Variants in FBN1 observed in about 807,000 individuals in gnomAD.
The protein encoded by FBN1 is fibrillin-1.
In FBN1, 29 loss-of-function variants were observed where a neutral mutation model predicts 365.1. That is an observed-to-expected ratio of 0.08 (90% CI 0.06 to 0.11). FBN1 has a LOEUF of 0.11. Among genes scored for constraint, FBN1 ranks in the 10% least tolerant of loss-of-function variants. The pLI is 1.00. For synonymous variants in FBN1, 1,210 were observed against 1,270.5 expected, an observed-to-expected ratio of 0.95 and a Z score of 1.01; for missense variants, 2,476 against 3,703.2, an observed-to-expected ratio of 0.67 and a Z score of 8.60.
Position 48,427,726 on chromosome 15 carries a change from G to C in FBN1, c.7045C>G (p.Gln2349Glu). 6.2e-7 allele frequency: 1 copy of C among 1,614,092 alleles called. No homozygotes were observed. The highest frequency in any genetic ancestry group is 8.5e-7 in the Non-Finnish European group (1 of 1,179,984). ...CFTEVLQNMC[Q>E]IGSSNRNPVT... ...GGGTTCCTGTTGCTGGAGCCGATCTGACACATGTTTTGTAGCACCTCTGTG... is the reference window on the plus strand; with the variant it reads ...GGGTTCCTGTTGCTGGAGCCGATCTCACACATGTTTTGTAGCACCTCTGTG... Residue 2349 changes from glutamine to glutamate, a missense_variant, in exon 58 of 66, where the codon CAG (glutamine) becomes GAG (glutamate). Transcript: ENST00000316623.
chr15:48,431,340 A>G lies in FBN1; in HGVS notation c.6740-538T>C, dbSNP rs138129013. ...GGTCTCAAACTCCTGGCCTCAAGTGATCCACCCACCTCAGCCTCCCAAAGT... is the reference window on the plus strand; with the variant it reads ...GGTCTCAAACTCCTGGCCTCAAGTGGTCCACCCACCTCAGCCTCCCAAAGT... On this transcript the variant is annotated intron_variant, in intron 55 of 65. Coordinates refer to ENST00000316623, the MANE Select transcript of FBN1 (RefSeq NM_000138.5). 7.1e-3 allele frequency among the ~76,000 whole-genome samples: 1,076 copies of G among 152,040 alleles called. 16 individuals are homozygous for G. Among genetic ancestry groups the G allele is most frequent in the African/African-American group, 0.025 (1,052 of 41,472 alleles).
intron 2 of FBN1, chr15:48,641,059 T>C (rs530664041): frequency 6.6e-6 from 1 of 152,348 alleles, no homozygotes; most frequent in East Asian, 1.9e-4. Flanking sequence ...AAAAGAAAAC[T>C]ACTATACATT....
rs940300631 is a variant in FBN1 at position 48,485,306 on chromosome 15, C to T, written c.3712+68G>A. The T allele has an allele frequency of 4.3e-5, 70 of 1,611,538 alleles. No individual in the cohort carries two copies. In the South Asian group the frequency reaches 7.5e-4, roughly 17 times the overall value. Reference sequence around the variant, plus strand: ...GACTCAAGCCTGCTTGACTCCAAAGCCTGGGCCCTAAACTACTTTACTTAG... The same window carrying T: ...GACTCAAGCCTGCTTGACTCCAAAGTCTGGGCCCTAAACTACTTTACTTAG... On this transcript the variant is annotated intron_variant, in intron 30 of 65. Coordinates refer to ENST00000316623, the MANE Select transcript of FBN1 (RefSeq NM_000138.5).
At chr15:48,606,825 T>C (rs2044615514) in intron 4 of FBN1, among the ~76,000 whole-genome samples, 1 of 152,234 alleles carries the variant, frequency 6.6e-6, no homozygotes, top group East Asian at 1.9e-4. Context: ...TTAATTATCA[T>C]TGTGATGGTA....
chr15:48,516,063 C>G (rs1037526733), intron 11 of FBN1, 120 bp downstream of exon 11: 13 of 1,056,592 alleles, frequency 1.2e-5, no homozygotes, highest in Non-Finnish European at 1.8e-5. Context: ...TTATGTAAAC[C>G]AAAAATTAAT....
intron 38 of FBN1, among the ~76,000 whole-genome samples, chr15:48,466,115 T>C (rs2043320030): frequency 6.6e-6 from 1 of 152,236 alleles, no homozygotes; most frequent in Admixed American, 6.5e-5. Flanking sequence ...TACATGTGTG[T>C]GGACTGTTTT....
At chr15:48,448,640 G>A (rs2043177086) in intron 46 of FBN1, 128 bp downstream of exon 46, 1 of 813,260 alleles carries the variant, frequency 1.2e-6, no homozygotes. Context: ...CTGCATATCT[G>A]TCTGTGTTTT....
rs764932333 is a variant in FBN1 at position 48,481,791 on chromosome 15, T to A, written c.3839-11A>T. 1 of 1,609,882 alleles carries A rather than the reference T, an allele frequency of 6.2e-7. No homozygotes were observed. The highest frequency in any genetic ancestry group is 8.5e-7 in the Non-Finnish European group (1 of 1,176,210). On this transcript the variant is annotated splice_polypyrimidine_tract_variant and intron_variant, in intron 31 of 65. Transcript: ENST00000316623. ...CACACTCATTGACATCTGTAAAACA[T>A]ATATACTATTAATATATGTAGCTAT...
chr15:48,441,710 A>G lies in FBN1; in HGVS notation c.6163+11T>C. 2 of 1,613,396 alleles carry G rather than the reference A, an allele frequency of 1.2e-6. No individual in the cohort carries two copies. The highest frequency in any genetic ancestry group is 1.1e-5 in the South Asian group (1 of 91,080). The stretch of plus-strand genomic sequence containing the variant: ...CAGCATTGAAAGCCCAAAGCCTTCA[A>G]AGACACTTACCTTGGCACCTTCTTC... On this transcript the variant is annotated intron_variant, in intron 50 of 65. Transcript: ENST00000316623.
intron 6 of FBN1, among the ~76,000 whole-genome samples, chr15:48,584,122 T>C (rs573272065): frequency 6.6e-6 from 1 of 152,348 alleles, no homozygotes; most frequent in East Asian, 1.9e-4. Flanking sequence ...GAATTTAAAA[T>C]AGTTAACATT....
intron 14 of FBN1, among the ~76,000 whole-genome samples, chr15:48,509,634 T>C (rs1213098704): frequency 1.3e-5 from 2 of 150,856 alleles, no homozygotes; most frequent in Non-Finnish European, 3.0e-5. Flanking sequence ...ATATCTATTT[T>C]AGATATATAT....
chr15:48,576,568 G>A (rs1471954966), intron 6 of FBN1, among the ~76,000 whole-genome samples: 1 of 152,188 alleles, frequency 6.6e-6, no homozygotes, highest in Non-Finnish European at 1.5e-5. Context: ...TGAAGGGAAG[G>A]TGGGAGGGAG....
At chr15:48,549,173 C>T (rs1468226063) in intron 6 of FBN1, among the ~76,000 whole-genome samples, 1 of 152,218 alleles carries the variant, frequency 6.6e-6, no homozygotes, top group Non-Finnish European at 1.5e-5. Context: ...GGGTTCTTAA[C>T]TTGAAGACCA....
At chr15:48,532,475 T>C (rs1438591180) in intron 8 of FBN1, among the ~76,000 whole-genome samples, 1 of 148,454 alleles carries the variant, frequency 6.7e-6, no homozygotes, top group Non-Finnish European at 1.5e-5. Flanking sequence ...TGTGTGTGTA[T>C]ATGTGTGTGT....
chr15:48,441,606 G>A, intron 50 of FBN1, 115 bp downstream of exon 50: 2 of 1,350,192 alleles, frequency 1.5e-6, no homozygotes, highest in Middle Eastern at 3.6e-4. Flanking sequence ...CTGGGTGAAT[G>A]AAAACTCTCC....
At chr15:48,474,736 G>C in intron 32 of FBN1, 86 bp from the exon 33 acceptor site, 1 of 1,562,052 alleles carries the variant, frequency 6.4e-7, no homozygotes, top group Non-Finnish European at 8.8e-7. Flanking sequence ...AAGTTGACTT[G>C]CCTTCAAACT....
In FBN1 at chr15:48,584,335, G is replaced by A. The variant is rs574663003; in HGVS notation, c.538+11948C>T. Among the ~76,000 whole-genome samples, 31 of 152,264 alleles carry A rather than the reference G, an allele frequency of 2.0e-4. 1 individual carries two copies. Among genetic ancestry groups the A allele is most frequent in the African/African-American group, 6.0e-4 (25 of 41,554 alleles). On this transcript the variant is annotated intron_variant, in intron 6 of 65. Coordinates refer to ENST00000316623, the MANE Select transcript of FBN1 (RefSeq NM_000138.5). ...AGATTTATCCTCAGAGCGTGAGTTC[G>A]TGATCAGTTTTCTAGGAATGGCTAG...
At chr15:48,488,963 T>G (rs1209880333) in intron 25 of FBN1, among the ~76,000 whole-genome samples, 1 of 152,158 alleles carries the variant, frequency 6.6e-6, no homozygotes, top group Non-Finnish European at 1.5e-5. Flanking sequence ...TTCAAAGATA[T>G]AATTTATAAT....
intron 2 of FBN1, among the ~76,000 whole-genome samples, chr15:48,633,266 A>G (rs1681350439): frequency 6.6e-6 from 1 of 152,210 alleles, no homozygotes; most frequent in Non-Finnish European, 1.5e-5. Flanking sequence ...ATATGGAGGA[A>G]AACACAAGAA....
Sources: gnomAD v4.1 joint callset for allele counts (sites outside exome capture counted in the v4.1 genomes callset) on GRCh38, gnomAD v4.1.1 for gene constraint, MANE v1.5 for transcripts, NCBI Gene and HGNC (gene_info 2026-07-23, HGNC 2026-07-21) for gene names.